The following L3MBTL4 variants were observed in gnomAD, a reference collection of about 807,000 sequenced individuals.
L3MBTL4 encodes the protein L3MBTL histone methyl-lysine binding protein 4.
A neutral mutation model predicts 84.5 loss-of-function variants in L3MBTL4; 70 were observed. The observed-to-expected ratio is 0.83, with a 90% confidence interval of 0.68 to 1.01. The LOEUF is 1.01. Ranked by LOEUF, L3MBTL4 falls within the 50% of genes least tolerant of loss-of-function variation. The pLI is 0.00. For synonymous variants in L3MBTL4, 274 were observed against 259.8 expected (o/e 1.05, Z -0.52); for missense variants, 715 against 754.8 (o/e 0.95, Z 0.62).
In L3MBTL4 at chr18:6,007,005, A is replaced by G. The variant is rs140748622; in HGVS notation, c.1445-37443T>C. The stretch of plus-strand genomic sequence containing the variant: ...ACCCATAAAAAAAGTTGAAGAAAAT[A>G]TAGCAGAATTCTATCATAGCATGGA... On this transcript the variant is annotated intron_variant, in intron 16 of 18. Transcript: ENST00000317931. 6.0e-3 allele frequency among the ~76,000 whole-genome samples: 909 copies of G among 152,330 alleles called. 7 individuals are homozygous for G. Among genetic ancestry groups the G allele is most frequent in the Non-Finnish European group, 0.011 (724 of 68,022 alleles).
intron 3 of L3MBTL4, among the ~76,000 whole-genome samples, chr18:6,303,282 G>A (rs188318783): frequency 2.4e-4 from 37 of 151,918 alleles, no homozygotes; most frequent in Admixed American, 2.0e-4. Flanking sequence ...CACCACACTC[G>A]GCTAATTTTT....
intron 13 of L3MBTL4, among the ~76,000 whole-genome samples, chr18:6,166,497 T>C (rs1325043752): frequency 1.3e-5 from 2 of 152,072 alleles, no homozygotes; most frequent in Non-Finnish European, 2.9e-5. Flanking sequence ...CACAGTGCAA[T>C]CAAACTAGAA....
intron 14 of L3MBTL4, among the ~76,000 whole-genome samples, chr18:6,109,970 C>T (rs180857102): frequency 1.4e-4 from 22 of 152,148 alleles, no homozygotes; most frequent in Admixed American, 1.2e-3. Flanking sequence ...CAGGGCAGGC[C>T]GAGGTGGACT....
At chr18:6,372,335 C>T (rs2144204553) in intron 1 of L3MBTL4, among the ~76,000 whole-genome samples, 1 of 152,276 alleles carries the variant, frequency 6.6e-6, no homozygotes, top group East Asian at 1.9e-4. Context: ...TATGCCGATG[C>T]TGGTGTGCTT....
chr18:6,018,408 C>A (rs1197130812), intron 16 of L3MBTL4, among the ~76,000 whole-genome samples: 1 of 152,202 alleles, frequency 6.6e-6, no homozygotes, highest in Non-Finnish European at 1.5e-5. Context: ...TGAGCCCCCA[C>A]TGCAAAGGCT....
intron 4 of L3MBTL4, among the ~76,000 whole-genome samples, chr18:6,287,529 C>CAGAT (rs759571411): frequency 6.6e-6 from 1 of 152,164 alleles, no homozygotes; most frequent in Non-Finnish European, 1.5e-5. Flanking sequence ...TAAAAGCCAG[C>CAGAT]AGATAGAGAA....
chr18:5,956,495 C>A, intron 18 of L3MBTL4, 108 bp from the exon 19 acceptor site: 1 of 914,720 alleles, frequency 1.1e-6, no homozygotes, highest in South Asian at 1.6e-5. Context: ...TCATAGCCTC[C>A]GTGTTGAGCT....
rs117744463 is a variant in L3MBTL4, at chr18:6,388,777, G to A, written c.-91+26024C>T. On this transcript the variant is annotated intron_variant, in intron 1 of 18. Coordinates refer to ENST00000317931, the MANE Select transcript of L3MBTL4 (RefSeq NM_001330559.2). ...GGTGGAACTGAGGGGCCAGGCACAG[G>A]CAGATGGACACCGGCTGTGTTGAGA... Among the ~76,000 whole-genome samples, 1,089 of 152,300 alleles carry A rather than the reference G, an allele frequency of 7.2e-3. 6 individuals carry two copies. The highest frequency in any genetic ancestry group is 0.027 in the Middle Eastern group (8 of 294).
intron 1 of L3MBTL4, among the ~76,000 whole-genome samples, chr18:6,373,657 G>A (rs769734843): frequency 1.3e-4 from 20 of 152,076 alleles, no homozygotes; most frequent in Non-Finnish European, 2.2e-4. Flanking sequence ...ATTATGCACC[G>A]TACAAAATAC....
intron 3 of L3MBTL4, among the ~76,000 whole-genome samples, chr18:6,307,725 C>A (rs1276405234): frequency 6.6e-6 from 1 of 152,088 alleles, no homozygotes. Flanking sequence ...TGAAAAATGT[C>A]TCATATTTCT....
intron 1 of L3MBTL4, among the ~76,000 whole-genome samples, chr18:6,342,549 G>A (rs1568522917): frequency 1.3e-5 from 2 of 151,796 alleles, no homozygotes; most frequent in Non-Finnish European, 2.9e-5. Flanking sequence ...TGAGCCTTAT[G>A]GTAACCACAA....
At chr18:6,087,064 G>C (rs2058282330) in intron 15 of L3MBTL4, among the ~76,000 whole-genome samples, 1 of 152,186 alleles carries the variant, frequency 6.6e-6, no homozygotes, top group Non-Finnish European at 1.5e-5. Context: ...GGAAAAGCTT[G>C]ATAAGAACAA....
chr18:6,144,663 C>G (rs2042572645), intron 13 of L3MBTL4, among the ~76,000 whole-genome samples: 1 of 152,238 alleles, frequency 6.6e-6, no homozygotes, highest in East Asian at 1.9e-4. Flanking sequence ...TACACACACC[C>G]TCATTCCCAG....
chr18:6,026,244 T>C (rs2055500376), intron 16 of L3MBTL4, among the ~76,000 whole-genome samples: 1 of 152,212 alleles, frequency 6.6e-6, no homozygotes, highest in Non-Finnish European at 1.5e-5. Flanking sequence ...AAAGGCTTGG[T>C]ATATAGAATT....
rs765636838 is a variant in L3MBTL4 at position 6,386,532 on chromosome 18, A to G, written c.-91+28269T>C. On this transcript the variant is annotated intron_variant, in intron 1 of 18. Transcript: ENST00000317931. ...CAGAGCTCACATTCTAACTGAAAAC[A>G]GAACCTAAAGAAACACACAGATAAT... 2.5e-4 allele frequency among the ~76,000 whole-genome samples: 38 copies of G among 152,376 alleles called. 1 individual carries two copies. The highest frequency in any genetic ancestry group is 4.1e-4 in the South Asian group (2 of 4,832).
At chr18:6,276,663 A>G (rs1407996889) in intron 4 of L3MBTL4, among the ~76,000 whole-genome samples, 1 of 152,046 alleles carries the variant, frequency 6.6e-6, no homozygotes, top group Non-Finnish European at 1.5e-5. Flanking sequence ...TTAAAAAAAA[A>G]AAAAAAACCC....
chr18:6,229,393 G>T (rs1166617759), intron 10 of L3MBTL4, among the ~76,000 whole-genome samples: 1 of 152,080 alleles, frequency 6.6e-6, no homozygotes, highest in Non-Finnish European at 1.5e-5. Context: ...TCAGATATAT[G>T]ATATGCAAAT....
At chr18:6,035,957 A>C (rs1448295048) in intron 16 of L3MBTL4, among the ~76,000 whole-genome samples, 1 of 152,244 alleles carries the variant, frequency 6.6e-6, no homozygotes, top group Non-Finnish European at 1.5e-5. Flanking sequence ...TTGCTTTTAA[A>C]GGATGGTATT....
At chr18:6,293,385 T>C (rs1183581726) in intron 4 of L3MBTL4, among the ~76,000 whole-genome samples, 1 of 151,696 alleles carries the variant, frequency 6.6e-6, no homozygotes, top group African/African-American at 2.4e-5. Flanking sequence ...CGAAGAATAA[T>C]AGAAACAATC....
Sources: gnomAD v4.1 joint callset for allele counts (sites outside exome capture counted in the v4.1 genomes callset) on GRCh38, gnomAD v4.1.1 for gene constraint, MANE v1.5 for transcripts, NCBI Gene and HGNC (gene_info 2026-07-23, HGNC 2026-07-21) for gene names.